Variants in PCDH15 observed in about 807,000 individuals in gnomAD.
The protein encoded by PCDH15 is protocadherin-15.
A neutral mutation model predicts 178.5 loss-of-function variants in PCDH15; 129 were observed. The observed-to-expected ratio is 0.72, with a 90% CI of 0.63 to 0.84. The LOEUF (loss-of-function observed/expected upper bound fraction) is 0.84, where lower values mean the gene tolerates loss of function less well. Among genes scored for constraint, PCDH15 ranks in the 40% least tolerant of loss-of-function variants. The probability of loss-of-function intolerance (pLI) is 0.00; values close to 1 mark genes in which losing one functional copy is unlikely to be tolerated. For synonymous variants in PCDH15, 800 were observed against 732.0 expected, an observed-to-expected ratio of 1.09 and a Z score of -1.50; for missense variants, 2,230 against 2,099.9, an observed-to-expected ratio of 1.06 and a Z score of -1.21.
chr10:54,699,804 T>G, intron 1 of PCDH15, among the ~76,000 whole-genome samples: 1 of 150,464 alleles, frequency 6.6e-6, no homozygotes, highest in African/African-American at 2.4e-5. Context: ...CAATAAATAG[T>G]TTTTTATTTC....
intron 2 of PCDH15, among the ~76,000 whole-genome samples, chr10:54,615,507 T>C (rs565982271): frequency 1.3e-5 from 2 of 152,174 alleles, no homozygotes; most frequent in Admixed American, 1.3e-4. Flanking sequence ...GTACTCATAG[T>C]TTTTTAAAAG....
chr10:54,738,418 G>C (rs1944387016), intron 1 of PCDH15, among the ~76,000 whole-genome samples: 1 of 152,024 alleles, frequency 6.6e-6, no homozygotes, highest in East Asian at 1.9e-4. Flanking sequence ...ATGGTCGTCA[G>C]GGTGGTTAAA....
At chr10:55,523,983 C>T (rs1368077873) in intron 2 of PCDH15, among the ~76,000 whole-genome samples, 1 of 151,434 alleles carries the variant, frequency 6.6e-6, no homozygotes, top group African/African-American at 2.4e-5. Flanking sequence ...AGTCTCAGGC[C>T]AACATACTCT....
chr10:54,727,587 C>G (rs1413130593), intron 1 of PCDH15, among the ~76,000 whole-genome samples: 1 of 151,218 alleles, frequency 6.6e-6, no homozygotes, highest in Admixed American at 6.6e-5. Flanking sequence ...CAAGAAATAA[C>G]CAAAATCAGA....
chr10:55,439,150 G>T (rs1289060083), intron 2 of PCDH15, among the ~76,000 whole-genome samples: 1 of 152,026 alleles, frequency 6.6e-6, no homozygotes, highest in African/African-American at 2.4e-5. Context: ...TGATCCACCT[G>T]CCTCAGCCTC....
At chr10:54,229,080 A>G (rs1307928284) in intron 9 of PCDH15, among the ~76,000 whole-genome samples, 1 of 152,198 alleles carries the variant, frequency 6.6e-6, no homozygotes, top group African/African-American at 2.4e-5. Flanking sequence ...CTGCAAATAA[A>G]CCTGAGATTA....
At chr10:53,932,732 CT>C (rs1301978019) in intron 25 of PCDH15, among the ~76,000 whole-genome samples, 2 of 152,172 alleles carry the variant, frequency 1.3e-5, no homozygotes, top group African/African-American at 4.8e-5. Context: ...GTGTTAAACT[CT>C]GTTACTGGAA....
chr10:53,968,873 A>G (rs958210147), intron 21 of PCDH15, among the ~76,000 whole-genome samples: 1 of 152,188 alleles, frequency 6.6e-6, no homozygotes, highest in African/African-American at 2.4e-5. Flanking sequence ...CAAAGACCAA[A>G]GGTAGATAAA....
chr10:54,168,162 C>G (rs2046463102), intron 13 of PCDH15, among the ~76,000 whole-genome samples: 1 of 152,086 alleles, frequency 6.6e-6, no homozygotes, highest in Non-Finnish European at 1.5e-5. Flanking sequence ...GACAGTAGTT[C>G]CAAATAGCCA....
intron 2 of PCDH15, among the ~76,000 whole-genome samples, chr10:55,162,031 G>T (rs1839081568): frequency 6.6e-6 from 1 of 152,090 alleles, no homozygotes; most frequent in African/African-American, 2.4e-5. Flanking sequence ...AACAAGTTAG[G>T]TGGTAATTAT....
At chr10:54,268,734 C>T (rs184234654) in intron 8 of PCDH15, among the ~76,000 whole-genome samples, 103 of 151,808 alleles carry the variant, frequency 6.8e-4, no homozygotes, top group African/African-American at 2.1e-3. Flanking sequence ...GTTAAGAACA[C>T]CACTAATTAT....
chr10:53,924,446 C>T (rs1471557342), intron 25 of PCDH15, among the ~76,000 whole-genome samples: 2 of 152,170 alleles, frequency 1.3e-5, no homozygotes, highest in Non-Finnish European at 2.9e-5. Context: ...CTGCAGCCCG[C>T]CATGCTGGAG....
At chr10:55,579,460 C>T (rs919297148) in intron 2 of PCDH15, among the ~76,000 whole-genome samples, 1 of 152,150 alleles carries the variant, frequency 6.6e-6, no homozygotes, top group Non-Finnish European at 1.5e-5. Context: ...CTGTCCTTAA[C>T]TACTCATCTC....
chr10:54,860,429 G>C (rs1355891734), intron 3 of PCDH15, among the ~76,000 whole-genome samples: 3 of 152,094 alleles, frequency 2.0e-5, no homozygotes, highest in Non-Finnish European at 4.4e-5. Context: ...GCATTCGTTA[G>C]CTTATGACAA....
At chr10:55,133,752 A>C (rs951526777) in intron 2 of PCDH15, among the ~76,000 whole-genome samples, 7 of 152,164 alleles carry the variant, frequency 4.6e-5, no homozygotes, top group Admixed American at 3.3e-4. Flanking sequence ...GCCATTGTCC[A>C]AGCTAAATTG....
At chr10:53,866,497 A>G in intron 27 of PCDH15, 145 bp downstream of exon 27, 1 of 584,176 alleles carries the variant, frequency 1.7e-6, no homozygotes, top group Non-Finnish European at 3.1e-6. Flanking sequence ...TTCCTAAACT[A>G]TAGTGACTAA....
chr10:54,950,562 G>C (rs1165017274), intron 2 of PCDH15, among the ~76,000 whole-genome samples: 1 of 151,992 alleles, frequency 6.6e-6, no homozygotes, highest in Non-Finnish European at 1.5e-5. Context: ...ATGTGGAACT[G>C]TAAGTCCAAT....
intron 2 of PCDH15, among the ~76,000 whole-genome samples, chr10:54,645,269 T>G (rs1324060433): frequency 6.6e-6 from 1 of 151,966 alleles, no homozygotes; most frequent in Non-Finnish European, 1.5e-5. Flanking sequence ...TTAAATTAGC[T>G]AGCCGGTGGT....
At chr10:54,052,305 A>C (rs1188573057) in intron 18 of PCDH15, among the ~76,000 whole-genome samples, 2 of 152,192 alleles carry the variant, frequency 1.3e-5, no homozygotes, top group Non-Finnish European at 2.9e-5. Flanking sequence ...GCAGCCCATG[A>C]AAGCAGTTAG....
Sources: gnomAD v4.1 joint callset for allele counts (sites outside exome capture counted in the v4.1 genomes callset) on GRCh38, gnomAD v4.1.1 for gene constraint, MANE v1.5 for transcripts, NCBI Gene and HGNC (gene_info 2026-07-23, HGNC 2026-07-21) for gene names.